ENTREP2: variants seen among roughly 807,000 people sequenced by gnomAD.
ENTREP2 encodes the protein endosomal transmembrane epsin interactor 2, also known as protein ENTREP2.
the ENTREP2 span, among the ~76,000 whole-genome samples, chr15:29,223,013 G>A: frequency 2.6e-5 from 4 of 152,206 alleles, no homozygotes; most frequent in Non-Finnish European, 5.9e-5. Context: ...CATGAATACA[G>A]CACTGGACAC....
the ENTREP2 span, among the ~76,000 whole-genome samples, chr15:29,427,960 G>A: frequency 6.6e-6 from 1 of 152,202 alleles, no homozygotes; most frequent in South Asian, 2.1e-4. Flanking sequence ...CACCTTAAAA[G>A]TCCGAAACCA....
the ENTREP2 span, among the ~76,000 whole-genome samples, chr15:29,637,744 G>C: frequency 1.4e-4 from 22 of 152,258 alleles, no homozygotes; most frequent in African/African-American, 5.3e-4. Flanking sequence ...GATCTATTAC[G>C]GGAACGAGAC....
the ENTREP2 span, among the ~76,000 whole-genome samples, chr15:29,481,225 C>A: frequency 6.6e-6 from 1 of 152,188 alleles, no homozygotes; most frequent in Non-Finnish European, 1.5e-5. Context: ...CCTATACGGG[C>A]ACTTCTCAAT....
the ENTREP2 span, among the ~76,000 whole-genome samples, chr15:29,494,193 A>G: frequency 7.3e-6 from 1 of 137,858 alleles, no homozygotes; most frequent in Admixed American, 7.1e-5. Context: ...CGAGTTTGGA[A>G]AGACTATAGG....
the ENTREP2 span, among the ~76,000 whole-genome samples, chr15:29,365,083 C>T: frequency 6.6e-6 from 1 of 152,112 alleles, no homozygotes; most frequent in South Asian, 2.1e-4. Flanking sequence ...ATCCCTCTTT[C>T]CCAACCTGTG....
the ENTREP2 span, among the ~76,000 whole-genome samples, chr15:29,276,658 G>T: frequency 6.6e-6 from 1 of 152,172 alleles, no homozygotes; most frequent in Non-Finnish European, 1.5e-5. Context: ...TCTAAGAGAT[G>T]GGAAACAATC....
the ENTREP2 span, among the ~76,000 whole-genome samples, chr15:29,299,709 AC>A: frequency 6.6e-6 from 1 of 152,146 alleles, no homozygotes; most frequent in African/African-American, 2.4e-5. Context: ...AACTTATTTA[AC>A]TATACTTTTA....
At chr15:29,398,045 T>C in the ENTREP2 span, among the ~76,000 whole-genome samples, 1 of 151,400 alleles carries the variant, frequency 6.6e-6, no homozygotes, top group African/African-American at 2.4e-5. Context: ...AAAAGTTACA[T>C]TAAGTTATTC....
the ENTREP2 span, among the ~76,000 whole-genome samples, chr15:29,236,284 T>C: frequency 6.6e-6 from 1 of 152,122 alleles, no homozygotes; most frequent in African/African-American, 2.4e-5. Flanking sequence ...ATCAATTCCT[T>C]GAAAAACACA....
chr15:29,458,069 GC>G, the ENTREP2 span, among the ~76,000 whole-genome samples: 2 of 152,140 alleles, frequency 1.3e-5, no homozygotes, highest in African/African-American at 2.4e-5. Flanking sequence ...AATTACAGAA[GC>G]TGAGAAGTCT....
At chr15:29,411,459 C>T in the ENTREP2 span, among the ~76,000 whole-genome samples, 5 of 152,174 alleles carry the variant, frequency 3.3e-5, no homozygotes, top group Admixed American at 3.3e-4. Context: ...TGTGTTGACA[C>T]GTTTATTGAC....
At chr15:29,615,357 T>C in the ENTREP2 span, among the ~76,000 whole-genome samples, 22 of 152,252 alleles carry the variant, frequency 1.4e-4, 1 homozygote, top group South Asian at 4.6e-3. Context: ...GTTTTCACCA[T>C]GTTGGCCAGT....
At chr15:29,204,651 T>G in the ENTREP2 span, among the ~76,000 whole-genome samples, 1 of 152,116 alleles carries the variant, frequency 6.6e-6, no homozygotes. Context: ...GAGGATCAAA[T>G]GAGATTAGAC....
chr15:29,557,520 C>T, the ENTREP2 span, among the ~76,000 whole-genome samples: 1 of 152,112 alleles, frequency 6.6e-6, no homozygotes, highest in South Asian at 2.1e-4. Flanking sequence ...TTCTGAGAGC[C>T]CATTCAAGAG....
At chr15:29,415,451 C>A in the ENTREP2 span, among the ~76,000 whole-genome samples, 7 of 151,928 alleles carry the variant, frequency 4.6e-5, no homozygotes, top group African/African-American at 1.2e-4. Context: ...ATTCAACAAC[C>A]CTTCATGCTA....
At chr15:29,511,129 A>C in the ENTREP2 span, among the ~76,000 whole-genome samples, 1 of 152,126 alleles carries the variant, frequency 6.6e-6, no homozygotes, top group East Asian at 1.9e-4. Context: ...ACCATGGCAC[A>C]TATATACCTA....
chr15:29,572,468 CCATTCATT>C, the ENTREP2 span, among the ~76,000 whole-genome samples: 1 of 152,024 alleles, frequency 6.6e-6, no homozygotes, highest in Non-Finnish European at 1.5e-5. Flanking sequence ...ATCATCTCCC[CCATTCATT>C]CATTCATTCA....
chr15:29,460,163 G>A, the ENTREP2 span, among the ~76,000 whole-genome samples: 123 of 152,010 alleles, frequency 8.1e-4, 1 homozygote, highest in Middle Eastern at 6.9e-3. Flanking sequence ...GAGGCAAGAG[G>A]ATCCTGTGAG....
the ENTREP2 span, among the ~76,000 whole-genome samples, chr15:29,454,926 G>A: frequency 1.3e-5 from 2 of 152,230 alleles, no homozygotes; most frequent in Non-Finnish European, 2.9e-5. Flanking sequence ...TACACGTAAA[G>A]CACTTAGAAC....
Sources: allele counts gnomAD v4.1 joint callset (sites outside exome capture counted in the v4.1 genomes callset), GRCh38; gene constraint gnomAD v4.1.1; transcripts MANE v1.5; gene names NCBI Gene and HGNC (gene_info 2026-07-23, HGNC 2026-07-21).